Variants in PCNT observed in about 807,000 individuals in gnomAD.
PCNT encodes pericentrin.
In PCNT, 319 loss-of-function variants were observed where a neutral mutation model predicts 380.4. The ratio of observed to expected loss-of-function variants is 0.84; its 90% CI spans 0.77 to 0.92. The LOEUF (loss-of-function observed/expected upper bound fraction) is 0.92. Ranked by LOEUF, PCNT falls within the 40% of genes least tolerant of loss-of-function variation. The pLI is 0.00. For missense variants in PCNT, 4,400 were observed against 4,255.3 expected (o/e 1.03, Z -0.95); for synonymous variants, 1,845 against 1,735.2 (o/e 1.06, Z -1.57).
intron 14 of PCNT, among the ~76,000 whole-genome samples, chr21:46,365,605 C>CT (rs555285337): frequency 7.7e-5 from 11 of 143,060 alleles, no homozygotes; most frequent in Admixed American, 5.6e-4. Flanking sequence ...CCATGGCCTT[C>CT]TATTCACTGC....
intron 27 of PCNT, among the ~76,000 whole-genome samples, chr21:46,404,406 G>A (rs1322879909): frequency 3.6e-5 from 5 of 138,690 alleles, no homozygotes; most frequent in Non-Finnish European, 8.3e-5. Context: ...ATTTCCACCG[G>A]CATTTCTGCC....
At chr21:46,381,873 AC>A (rs2085556659) in intron 16 of PCNT, 33 bp downstream of exon 16, 2 of 1,610,442 alleles carry the variant, frequency 1.2e-6, no homozygotes, top group Non-Finnish European at 1.7e-6. Flanking sequence ...TTGTGATAAG[AC>A]GTGTATAGCA....
intron 31 of PCNT, among the ~76,000 whole-genome samples, chr21:46,421,209 G>A (rs556411513): frequency 1.5e-4 from 23 of 152,202 alleles, no homozygotes; most frequent in African/African-American, 2.4e-4. Flanking sequence ...AGGCTGTGCC[G>A]GGGCATCATC....
In PCNT at chr21:46,411,401, C is replaced by T. The variant is rs746383364; in HGVS notation, c.5328C>T (p.Leu1776=). The T allele has an allele frequency of 3.7e-6, 6 of 1,613,566 alleles. No individual in the cohort carries two copies. The highest frequency in any genetic ancestry group is 3.3e-5 in the Admixed American group (2 of 60,010). Residue 1776 remains leucine, a synonymous_variant, in exon 28 of 47, where the codon CTC becomes CTT. Coordinates refer to ENST00000359568, the MANE Select transcript of PCNT (RefSeq NM_006031.6). ...SQAGSLQSEL[L]CSQAGGPRGQ... ...CTGGCAGTCTGCAGAGCGAGCTGCTCTGCTCCCAGGCCGGGGGCCCTCGTG... is the reference window on the plus strand; with the variant it reads ...CTGGCAGTCTGCAGAGCGAGCTGCTTTGCTCCCAGGCCGGGGGCCCTCGTG...
rs771887960 is a variant in PCNT, at chr21:46,416,701, G to A, written c.6783G>A (p.Gly2261=). The A allele has an allele frequency of 5.7e-6, 9 of 1,569,584 alleles. No homozygotes were observed. In the South Asian group the frequency reaches 8.3e-5, roughly 15 times the overall value. The change falls in exon 30 of 47, where the codon GGG becomes GGA. Residue 2261 remains glycine (G), a synonymous_variant. Transcript: ENST00000359568. ...TGTGCAGTGCCGACACATCCCTGGG[G>A]GACAGGGCGGACACCTCGCTGCCAC... ...LSLCSADTSL[G]DRADTSLPQT... is the part of the protein sequence containing the mutation.
At chr21:46,324,849 C>T (rs1340371649) in intron 1 of PCNT, 13 of 984,738 alleles carry the variant, frequency 1.3e-5, no homozygotes, top group East Asian at 2.3e-4. Flanking sequence ...GCGCCTTCGC[C>T]TCGTCCGTCG....
At chr21:46,438,649 TTTAG>T (rs1214988048) in intron 41 of PCNT, among the ~76,000 whole-genome samples, 33 of 151,608 alleles carry the variant, frequency 2.2e-4, no homozygotes, top group Non-Finnish European at 3.4e-4. Context: ...AATTTAGAGT[TTTAG>T]TTAAAGTGAT....
intron 15 of PCNT, 113 bp from the exon 16 acceptor site, chr21:46,381,581 G>T: frequency 1.0e-6 from 1 of 959,528 alleles, no homozygotes; most frequent in Non-Finnish European, 1.7e-6. Flanking sequence ...CCCGGCTCTT[G>T]GTGCAGAGTG....
chr21:46,373,091 G>A (rs2085206625), intron 15 of PCNT, among the ~76,000 whole-genome samples: 1 of 152,244 alleles, frequency 6.6e-6, no homozygotes, highest in Non-Finnish European at 1.5e-5. Context: ...TGCAACCACA[G>A]CTCACTGTGA....
chr21:46,426,126 C>T (rs567095028), intron 33 of PCNT, among the ~76,000 whole-genome samples, 155 bp downstream of exon 33: 1 of 131,544 alleles, frequency 7.6e-6, no homozygotes, highest in East Asian at 2.0e-4. Context: ...CCTCCACCAC[C>T]CCGGGTCAAG....
At position 46,355,491 on chromosome 21, in the gene PCNT, C is replaced by T; in HGVS notation, c.1801C>T (p.His601Tyr). 1.2e-6 allele frequency: 2 copies of T among 1,614,056 alleles called. No homozygotes were observed. The highest frequency in any genetic ancestry group is 1.7e-6 in the Non-Finnish European group (2 of 1,180,026). The change falls in exon 12 of 47, where the codon CAC (histidine) becomes TAC (tyrosine). Residue 601 changes from histidine (H) to tyrosine (Y), a missense_variant. By Grantham distance (83) the His-to-Tyr change is moderately conservative. Transcript: ENST00000359568. ...PRFQAELEES[H>Y]RHQLEALESP... ...CTTCCAGGCGGAGTTAGAAGAAAGC[C>T]ACAGGCACCAGCTGGAAGCGCTGGA...
At chr21:46,377,805 C>G (rs547837564) in intron 15 of PCNT, among the ~76,000 whole-genome samples, 2 of 152,322 alleles carry the variant, frequency 1.3e-5, no homozygotes, top group South Asian at 4.1e-4. Context: ...TGACATCGCA[C>G]CACTGCACTC....
chr21:46,415,221 C>T (rs2086976435), intron 29 of PCNT, among the ~76,000 whole-genome samples: 1 of 152,206 alleles, frequency 6.6e-6, no homozygotes, highest in Non-Finnish European at 1.5e-5. Context: ...AAGGATGGGC[C>T]TAGGCCCGCA....
chr21:46,379,308 C>T (rs1401475115), intron 15 of PCNT, among the ~76,000 whole-genome samples: 2 of 151,952 alleles, frequency 1.3e-5, no homozygotes, highest in African/African-American at 2.4e-5. Context: ...GGCCGCGTGT[C>T]GTGAGCCGCA....
intron 13 of PCNT, among the ~76,000 whole-genome samples, chr21:46,357,873 C>T (rs2084533840): frequency 6.6e-6 from 1 of 152,268 alleles, no homozygotes. Flanking sequence ...CAGGCTCTTC[C>T]TGTGCTGTTT....
intron 31 of PCNT, among the ~76,000 whole-genome samples, chr21:46,418,988 C>T (rs994287741): frequency 1.3e-5 from 2 of 152,220 alleles, no homozygotes; most frequent in South Asian, 2.1e-4. Context: ...CTCATGCTCA[C>T]GCCCACTGGT....
At chr21:46,337,082 C>A (rs1256546924) in intron 3 of PCNT, among the ~76,000 whole-genome samples, 3 of 152,112 alleles carry the variant, frequency 2.0e-5, no homozygotes, top group Admixed American at 1.3e-4. Context: ...GCTGCAGCCT[C>A]TGCCTCCTGG....
chr21:46,389,164 T>G, intron 18 of PCNT, 35 bp from the exon 19 acceptor site: 18 of 1,593,280 alleles, frequency 1.1e-5, no homozygotes, highest in Non-Finnish European at 1.5e-5. Context: ...GCTTGCTCAC[T>G]GAGCCGCGTG....
chr21:46,366,958 C>T lies in PCNT; in HGVS notation c.2984C>T (p.Ala995Val). 1 of 1,614,242 alleles carries T rather than the reference C, an allele frequency of 6.2e-7. No individual in the cohort carries two copies. The highest frequency in any genetic ancestry group is 8.5e-7 in the Non-Finnish European group (1 of 1,180,050). ...AGGCAGGCCCTAGAGCTCTTACGAGCAGACTTTGAGGAACAACTGTGGAAA... is the reference window on the plus strand; with the variant it reads ...AGGCAGGCCCTAGAGCTCTTACGAGTAGACTTTGAGGAACAACTGTGGAAA... ...EHRQALELLR[A>V]DFEEQLWKKD... Residue 995 changes from alanine (A) to valine (V), a missense_variant, in exon 15 of 47, where the codon GCA becomes GTA. Coordinates refer to ENST00000359568, the MANE Select transcript of PCNT (RefSeq NM_006031.6).
Sources: allele counts gnomAD v4.1 joint callset (sites outside exome capture counted in the v4.1 genomes callset), GRCh38; gene constraint gnomAD v4.1.1; transcripts MANE v1.5; gene names NCBI Gene and HGNC (gene_info 2026-07-23, HGNC 2026-07-21).